The following ATM variants were observed in gnomAD, a reference collection of about 807,000 sequenced individuals.
ATM encodes the protein serine-protein kinase ATM.
Under a neutral mutation model 387.0 loss-of-function variants are expected in ATM, and 308 were observed. The observed-to-expected ratio is 0.80, with a 90% CI of 0.73 to 0.87. The LOEUF is 0.87. ATM is among the 40% of genes least tolerant of loss of function. ATM has a pLI of 0.00. For missense variants in ATM, 3,312 were observed against 3,560.9 expected, an observed-to-expected ratio of 0.93 and a Z score of 1.78; for synonymous variants, 1,156 against 1,187.3, an observed-to-expected ratio of 0.97 and a Z score of 0.54.
At chr11:108,343,987 C>T (rs971839113) in intron 57 of ATM, among the ~76,000 whole-genome samples, 17 of 152,122 alleles carry the variant, frequency 1.1e-4, no homozygotes, top group South Asian at 8.3e-4. Context: ...TCAAATATTA[C>T]GACTAATCAT....
intron 44 of ATM, 51 bp downstream of exon 44, chr11:108,320,109 T>G (rs1384762115): frequency 2.2e-6 from 3 of 1,364,882 alleles, no homozygotes; most frequent in Non-Finnish European, 3.1e-6. Flanking sequence ...TGTCATGGCT[T>G]CTTTTCTGAA....
chr11:108,274,563 A>C (rs1452794912), intron 22 of ATM, among the ~76,000 whole-genome samples: 1 of 152,120 alleles, frequency 6.6e-6, no homozygotes, highest in East Asian at 1.9e-4. Context: ...ATTCTGGTAC[A>C]TTGTGTCTTT....
At chr11:108,261,531 GA>G (rs1216288574) in intron 16 of ATM, among the ~76,000 whole-genome samples, 1 of 152,026 alleles carries the variant, frequency 6.6e-6, no homozygotes, top group African/African-American at 2.4e-5. Context: ...CAAAGATGGG[GA>G]AAAAACAGAA....
At chr11:108,330,173 G>A in intron 49 of ATM, 41 bp from the exon 50 acceptor site, 1 of 1,590,122 alleles carries the variant, frequency 6.3e-7, no homozygotes, top group Non-Finnish European at 8.6e-7. Flanking sequence ...TTCTGTTAAA[G>A]TTCATGGCTT....
chr11:108,309,183 CAA>C, intron 38 of ATM: 1 of 565,310 alleles, frequency 1.8e-6, no homozygotes, highest in Admixed American at 3.0e-5. Context: ...TGGGCAAAAA[CAA>C]AGAACAACAA....
intron 16 of ATM, among the ~76,000 whole-genome samples, chr11:108,261,136 A>G (rs1591559856): frequency 1.3e-5 from 2 of 152,236 alleles, no homozygotes; most frequent in African/African-American, 4.8e-5. Context: ...GGAGCCCACC[A>G]CAGCTCAAGG....
chr11:108,257,328 A>C (rs2080559934), intron 14 of ATM, among the ~76,000 whole-genome samples, 153 bp from the exon 15 acceptor site: 1 of 152,234 alleles, frequency 6.6e-6, no homozygotes, highest in Non-Finnish European at 1.5e-5. Context: ...ATACTGTATG[A>C]CTACGTGGAA....
At chr11:108,311,574 T>G (rs1428409045) in intron 39 of ATM, among the ~76,000 whole-genome samples, 1 of 151,972 alleles carries the variant, frequency 6.6e-6, no homozygotes, top group Non-Finnish European at 1.5e-5. Context: ...GGCCTGCACA[T>G]GTAGTCCCAG....
intron 61 of ATM, among the ~76,000 whole-genome samples, chr11:108,361,957 T>G (rs1252251018): frequency 7.2e-6 from 1 of 138,214 alleles, no homozygotes; most frequent in Non-Finnish European, 1.6e-5. Context: ...TGGGATCTAA[T>G]TAAACTAAAG....
intron 22 of ATM, among the ~76,000 whole-genome samples, chr11:108,276,141 T>A (rs1026728865): frequency 5.9e-5 from 9 of 152,222 alleles, no homozygotes; most frequent in Non-Finnish European, 5.9e-5. Context: ...TTCTTCTGCT[T>A]AATCAGTTCG....
At chr11:108,256,783 T>C (rs2080520121) in intron 14 of ATM, among the ~76,000 whole-genome samples, 1 of 152,194 alleles carries the variant, frequency 6.6e-6, no homozygotes, top group Admixed American at 6.5e-5. Flanking sequence ...TTTTCTGTTC[T>C]TGTGTTAGTT....
At position 108,341,630 on chromosome 11, in the gene ATM, C is replaced by T. The variant is rs936856808; in HGVS notation, c.8269-1592C>T. On this transcript the variant is annotated intron_variant, in intron 56 of 62. Transcript: ENST00000675843. ...TAAAAATGTATAGAACTAAAGACAC[C>T]ATAAGGACGAGTGACCAGCTGAGAA... Among the ~76,000 whole-genome samples, 3 of 152,018 alleles carry T rather than the reference C, an allele frequency of 2.0e-5. No homozygotes were observed. In the East Asian group the frequency reaches 5.8e-4, roughly 29 times the overall value.
intron 1 of ATM, chr11:108,223,406 C>T (rs886997970): frequency 6.6e-6 from 1 of 152,424 alleles, no homozygotes; most frequent in African/African-American, 2.4e-5. Context: ...AACCCTGCCT[C>T]CTGCGCATCC....
intron 16 of ATM, among the ~76,000 whole-genome samples, chr11:108,266,602 A>C (rs1409481027): frequency 6.6e-6 from 1 of 151,898 alleles, no homozygotes. Context: ...AACCTGCACA[A>C]TGTGCACATG....
At chr11:108,252,715 T>G (rs1591530374) in intron 11 of ATM, 102 bp from the exon 12 acceptor site, 2 of 823,614 alleles carry the variant, frequency 2.4e-6, no homozygotes, top group East Asian at 2.7e-5. Context: ...GGATCCAAAT[T>G]TTAGAAGTCA....
chr11:108,289,956 CAGATT>C, intron 29 of ATM, 155 bp downstream of exon 29: 1 of 650,014 alleles, frequency 1.5e-6, no homozygotes, highest in South Asian at 1.9e-5. Context: ...CTCCTGGGTT[CAGATT>C]ATCCTTCCTC....
At chr11:108,306,356 A>C (rs2083689839) in intron 37 of ATM, among the ~76,000 whole-genome samples, 1 of 152,170 alleles carries the variant, frequency 6.6e-6, no homozygotes. Context: ...AGGCTTTGTA[A>C]ACTATCTAAA....
rs549069598 is a variant in ATM, at chr11:108,264,434, CT to C, written c.2467-2735del. 9.9e-5 allele frequency among the ~76,000 whole-genome samples: 15 copies of C among 152,274 alleles called. No homozygotes were observed. In the South Asian group the frequency reaches 2.9e-3, roughly 29 times the overall value. ...AGGCCTTGGACAAAATTCAACAACCCTTCATGCCAAAAACTCTGAATAAATT... is the reference window on the plus strand; with the variant it reads ...AGGCCTTGGACAAAATTCAACAACCCTCATGCCAAAAACTCTGAATAAATT... On this transcript the variant is annotated intron_variant, in intron 16 of 62. Transcript: ENST00000675843.
At chr11:108,327,856 G>A in intron 48 of ATM, 98 bp downstream of exon 48, 1 of 984,662 alleles carries the variant, frequency 1.0e-6, no homozygotes, top group Non-Finnish European at 1.6e-6. Context: ...ATAAAAGTAT[G>A]GTTTTATTTT....
Sources: allele counts gnomAD v4.1 joint callset (sites outside exome capture counted in the v4.1 genomes callset), GRCh38; gene constraint gnomAD v4.1.1; transcripts MANE v1.5; gene names NCBI Gene and HGNC (gene_info 2026-07-23, HGNC 2026-07-21).